SERPINB13: variants seen among roughly 807,000 people sequenced by gnomAD.
SERPINB13 encodes serpin B13.
A neutral mutation model predicts 31.2 loss-of-function variants in SERPINB13; 26 were observed. The observed-to-expected ratio is 0.83, with a 90% CI of 0.61 to 1.15. The LOEUF (loss-of-function observed/expected upper bound fraction) is 1.15. Among genes scored for constraint, SERPINB13 ranks in the 50% most tolerant of loss-of-function variants. The pLI is 0.00. For missense variants in SERPINB13, 510 were observed against 469.4 expected, an observed-to-expected ratio of 1.09 and a Z score of -0.80; for synonymous variants, 191 against 172.4, an observed-to-expected ratio of 1.11 and a Z score of -0.85.
At chr18:63,592,647 C>G (rs368248493) in intron 4 of SERPINB13, among the ~76,000 whole-genome samples, 171 bp downstream of exon 4, 1 of 152,162 alleles carries the variant, frequency 6.6e-6, no homozygotes, top group East Asian at 1.9e-4. Flanking sequence ...CTTTTTAGTC[C>G]TGGCAATCTG....
chr18:63,588,879 T>C (rs1268617472), intron 2 of SERPINB13, 47 bp downstream of exon 2: 2 of 1,494,570 alleles, frequency 1.3e-6, no homozygotes, highest in Non-Finnish European at 1.8e-6. Context: ...CACAAATTCA[T>C]TTGGCGGGGG....
chr18:63,592,624 C>A, intron 4 of SERPINB13, 148 bp downstream of exon 4: 2 of 896,796 alleles, frequency 2.2e-6, no homozygotes, highest in Non-Finnish European at 3.4e-6. Flanking sequence ...ATATTCAGAA[C>A]TGCAGGGAGT....
At chr18:63,594,956 G>C in intron 6 of SERPINB13, 73 bp from the exon 7 acceptor site, 1 of 1,380,996 alleles carries the variant, frequency 7.2e-7, no homozygotes, top group Admixed American at 2.3e-5. Flanking sequence ...TTATTTTGAT[G>C]AACTAACTTG....
At chr18:63,593,812 G>C (rs1237048177) in intron 5 of SERPINB13, among the ~76,000 whole-genome samples, 1 of 152,096 alleles carries the variant, frequency 6.6e-6, no homozygotes, top group Non-Finnish European at 1.5e-5. Flanking sequence ...ATTTATTGTG[G>C]GATGGGGTGA....
rs1276236488 is a variant in SERPINB13, at chr18:63,589,637, T to C, written c.166-19T>C. 2 of 1,612,178 alleles carry C rather than the reference T, an allele frequency of 1.2e-6. No individual in the cohort carries two copies. The highest frequency in any genetic ancestry group is 1.7e-6 in the Non-Finnish European group (2 of 1,179,126). ...TTCTCTTCTCTGAGCACCACAGTAATATTTTCTATCTCTTCCAGGTGTTTC... is the reference window on the plus strand; with the variant it reads ...TTCTCTTCTCTGAGCACCACAGTAACATTTTCTATCTCTTCCAGGTGTTTC... On this transcript the variant is annotated intron_variant, in intron 2 of 7. Transcript: ENST00000344731.
intron 4 of SERPINB13, 54 bp downstream of exon 4, chr18:63,592,530 G>T: frequency 3.2e-6 from 5 of 1,574,510 alleles, no homozygotes; most frequent in Non-Finnish European, 4.3e-6. Context: ...ATGGCCAAAT[G>T]GCCCTGGTAG....
intron 1 of SERPINB13, among the ~76,000 whole-genome samples, chr18:63,587,949 G>A (rs1032650495): frequency 2.6e-5 from 4 of 152,136 alleles, no homozygotes; most frequent in Admixed American, 2.6e-4. Context: ...TCATGTACAA[G>A]CCTAAAACAA....
chr18:63,595,236 C>G, intron 7 of SERPINB13, 52 bp downstream of exon 7: 1 of 1,549,726 alleles, frequency 6.5e-7, no homozygotes, highest in Non-Finnish European at 8.7e-7. Context: ...GGCTTTTTGT[C>G]TCAGGGCTTC....
chr18:63,592,670 G>A (rs1911923668), intron 4 of SERPINB13, among the ~76,000 whole-genome samples, 184 bp from the exon 5 acceptor site: 2 of 152,088 alleles, frequency 1.3e-5, no homozygotes, highest in Non-Finnish European at 2.9e-5. Flanking sequence ...CCTGATTTTT[G>A]CCTCATCCCC....
Position 63,588,827 on chromosome 18 carries a change from G to C in SERPINB13, c.160G>C (p.Glu54Gln). 3.1e-6 allele frequency: 5 copies of C among 1,613,844 alleles called. No individual in the cohort carries two copies. Among genetic ancestry groups the C allele is most frequent in the Non-Finnish European group, 4.2e-6 (5 of 1,179,908 alleles). The change falls in exon 2 of 8, where the codon GAG becomes CAG. Residue 54 changes from glutamate (E) to glutamine (Q), a missense_variant. Glu to Gln is a conservative substitution (Grantham distance 29). Coordinates refer to ENST00000344731, the MANE Select transcript of SERPINB13 (RefSeq NM_012397.4). ...CCGAGGAGCCACCGCTTCCCAGTTG[G>C]AGGAGGTTGGGCGCAGTCAGGGGGC... ...GTRGATASQLEEVFHSEKETK... is the reference protein window; with the variant it reads ...GTRGATASQLQEVFHSEKETK...
In SERPINB13 at chr18:63,592,883, T is replaced by C. The variant is rs747380887; in HGVS notation, c.384T>C (p.Tyr128=). 3.1e-6 allele frequency: 5 copies of C among 1,606,754 alleles called. No homozygotes were observed. The East Asian group carries it at 6.7e-5, about 21-fold the overall frequency. The change falls in exon 5 of 8, where the codon TAT becomes TAC. Residue 128 remains tyrosine, a synonymous_variant. Transcript: ENST00000344731. ...QKYLDYVEKY[Y]HASLEPVDFV... is the part of the protein sequence containing the mutation. Reference sequence around the variant, plus strand: ...ACTTAGATTATGTTGAAAAATATTATCATGCATCTCTGGAACCTGTTGATT... The same window carrying C: ...ACTTAGATTATGTTGAAAAATATTACCATGCATCTCTGGAACCTGTTGATT...
chr18:63,594,039 G>A (rs762591129), intron 5 of SERPINB13: 3 of 655,738 alleles, frequency 4.6e-6, no homozygotes, highest in Non-Finnish European at 7.7e-6. Flanking sequence ...TGGAAACTGA[G>A]GCACAGAGAG....
At position 63,597,149 on chromosome 18, in the gene SERPINB13, C is replaced by A. The variant is rs768283325; in HGVS notation, c.962C>A (p.Ser321Ter). The A allele has an allele frequency of 4.3e-6, 7 of 1,614,210 alleles. No homozygotes were observed. Among genetic ancestry groups the A allele is most frequent in the Non-Finnish European group, 3.4e-6 (4 of 1,180,036 alleles). ...EHKADYSGMS[S>*]GSGLYAQKFL... is the part of the protein sequence containing the mutation. ...AAAGCCGACTACTCGGGAATGTCGT[C>A]AGGCTCCGGGTTGTACGCCCAGAAG... The change falls in exon 8 of 8, where the codon TCA becomes TAA. Residue 321 changes from serine (S) to a stop codon, truncating the protein, a stop_gained. Transcript: ENST00000344731. LOFTEE classifies it low-confidence loss of function (END_TRUNC).
At chr18:63,596,807 CCTGCAGTATAAAGACAACAAT>C (rs1471421039) in intron 7 of SERPINB13, 131 bp from the exon 8 acceptor site, 1 of 579,124 alleles carries the variant, frequency 1.7e-6, no homozygotes, top group African/African-American at 1.9e-5. Flanking sequence ...AAGACAACCG[CCTGCAGTATAAAGACAACAAT>C]CTAGTGAAAT....
intron 5 of SERPINB13, 142 bp from the exon 6 acceptor site, chr18:63,594,213 A>G: frequency 6.5e-7 from 1 of 1,542,536 alleles, no homozygotes; most frequent in Non-Finnish European, 8.8e-7. Flanking sequence ...TTCTGCCAGC[A>G]AACCCTTTGT....
At chr18:63,588,930 C>G (rs562860860) in intron 2 of SERPINB13, 98 bp downstream of exon 2, 41 of 1,271,854 alleles carry the variant, frequency 3.2e-5, no homozygotes, top group Non-Finnish European at 4.2e-5. Flanking sequence ...ATACGCTCTT[C>G]TTGACCTGTG....
rs546460343 is a variant in SERPINB13 at position 63,596,668 on chromosome 18, G to A, written c.772-291G>A. 2.0e-5 allele frequency among the ~76,000 whole-genome samples: 3 copies of A among 152,238 alleles called. No homozygotes were observed. The East Asian group carries it at 5.8e-4, about 29-fold the overall frequency. ...TAAATATATATGCATTCAAAGACTA[G>A]GAGAGATAGTTAAAATGAAATATAT... On this transcript the variant is annotated intron_variant, in intron 7 of 7. Coordinates refer to ENST00000344731, the MANE Select transcript of SERPINB13 (RefSeq NM_012397.4).
At position 63,598,956 on chromosome 18, in the gene SERPINB13, G is replaced by A. The variant is rs978102916; in HGVS notation, c.*1593G>A. 1 of 152,132 alleles carries A rather than the reference G, an allele frequency of 6.6e-6. No homozygotes were observed. The highest frequency in any genetic ancestry group is 1.5e-5 in the Non-Finnish European group (1 of 68,004). 9.4% of individuals were successfully genotyped at this position (152,132 alleles called of 1,614,324 possible). ...TTATAGCCATTTTTGTAGGTACAAA[G>A]TGGCATCTCATGGTGGTTTTAATTT... On this transcript the variant is annotated 3_prime_UTR_variant, in exon 8 of 8. Coordinates refer to ENST00000344731, the MANE Select transcript of SERPINB13 (RefSeq NM_012397.4).
At chr18:63,587,814 T>C (rs142636852) in intron 1 of SERPINB13, among the ~76,000 whole-genome samples, 1 of 152,378 alleles carries the variant, frequency 6.6e-6, no homozygotes, top group Non-Finnish European at 1.5e-5. Context: ...CTAAAGCCTT[T>C]ACTTACTAGT....
Sources: gnomAD v4.1 joint callset for allele counts (sites outside exome capture counted in the v4.1 genomes callset) on GRCh38, gnomAD v4.1.1 for gene constraint, MANE v1.5 for transcripts, NCBI Gene and HGNC (gene_info 2026-07-23, HGNC 2026-07-21) for gene names.